The following GBE1 variants were observed in gnomAD, a reference collection of about 807,000 sequenced individuals.
GBE1 encodes 1,4-alpha-glucan branching enzyme 1.
GBE1 carries 70 observed loss-of-function variants against 88.8 expected under a neutral mutation model. The ratio of observed to expected loss-of-function variants is 0.79; its 90% CI spans 0.65 to 0.96. GBE1 has a LOEUF of 0.96. Among genes scored for constraint, GBE1 ranks in the 40% least tolerant of loss-of-function variants. The pLI is 0.00. For synonymous variants in GBE1, 284 were observed against 300.1 expected, an observed-to-expected ratio of 0.95 and a Z score of 0.56; for missense variants, 872 against 871.0, an observed-to-expected ratio of 1.00 and a Z score of -0.01.
At chr3:81,599,552 A>G (rs1428877655) in intron 7 of GBE1, among the ~76,000 whole-genome samples, 1 of 152,202 alleles carries the variant, frequency 6.6e-6, no homozygotes, top group African/African-American at 2.4e-5. Context: ...TACTGTACTG[A>G]ATACTGGAGG....
At chr3:81,556,015 A>T (rs534636848) in intron 12 of GBE1, among the ~76,000 whole-genome samples, 1 of 152,212 alleles carries the variant, frequency 6.6e-6, no homozygotes, top group African/African-American at 2.4e-5. Context: ...GATCTGGACT[A>T]TGTAGGAAGG....
At chr3:81,527,325 C>G (rs1429932176) in intron 14 of GBE1, among the ~76,000 whole-genome samples, 1 of 152,080 alleles carries the variant, frequency 6.6e-6, no homozygotes, top group South Asian at 2.1e-4. Context: ...GACTTCATGT[C>G]TAAAACACCA....
chr3:81,622,619 T>TA (rs1376620022), intron 7 of GBE1, among the ~76,000 whole-genome samples: 1 of 152,192 alleles, frequency 6.6e-6, no homozygotes, highest in Non-Finnish European at 1.5e-5. Context: ...TATTTCCACT[T>TA]ACATAGCAAA....
intron 14 of GBE1, among the ~76,000 whole-genome samples, chr3:81,514,913 A>T (rs546051914): frequency 1.3e-5 from 2 of 151,710 alleles, no homozygotes; most frequent in Non-Finnish European, 3.0e-5. Context: ...TATAACATCC[A>T]TGTCATAAAT....
intron 3 of GBE1, among the ~76,000 whole-genome samples, chr3:81,667,681 T>G (rs1705132392): frequency 6.6e-6 from 1 of 152,232 alleles, no homozygotes; most frequent in Admixed American, 6.5e-5. Context: ...ATCAAAAGTC[T>G]TTTCTGCATC....
chr3:81,524,682 A>T (rs375242553), intron 14 of GBE1, among the ~76,000 whole-genome samples: 40 of 151,808 alleles, frequency 2.6e-4, no homozygotes, highest in African/African-American at 8.9e-4. Flanking sequence ...TCCCCATTGT[A>T]TGTTCTTGGC....
chr3:81,729,996 C>A (rs767273710), intron 1 of GBE1, among the ~76,000 whole-genome samples: 27 of 152,236 alleles, frequency 1.8e-4, no homozygotes, highest in Non-Finnish European at 3.4e-4. Context: ...TGTGTCCTCC[C>A]AAGAAGAAAT....
At chr3:81,699,140 G>A (rs780389932) in intron 2 of GBE1, among the ~76,000 whole-genome samples, 18 of 152,084 alleles carry the variant, frequency 1.2e-4, no homozygotes, top group Non-Finnish European at 2.6e-4. Flanking sequence ...CCAAAAACCT[G>A]CTTTCTAGGA....
chr3:81,539,765 A>C (rs1703120574), intron 12 of GBE1, among the ~76,000 whole-genome samples: 1 of 152,064 alleles, frequency 6.6e-6, no homozygotes, highest in Non-Finnish European at 1.5e-5. Flanking sequence ...TGTTAACTAC[A>C]CTAGAGGAAA....
chr3:81,622,823 C>A (rs1704351619), intron 7 of GBE1, among the ~76,000 whole-genome samples: 1 of 152,162 alleles, frequency 6.6e-6, no homozygotes, highest in Non-Finnish European at 1.5e-5. Context: ...TACAACCAAT[C>A]ACTCAGCAAG....
At chr3:81,705,171 G>A (rs959381055) in intron 2 of GBE1, among the ~76,000 whole-genome samples, 1 of 152,210 alleles carries the variant, frequency 6.6e-6, no homozygotes, top group African/African-American at 2.4e-5. Flanking sequence ...ATTTGGAGTT[G>A]TCTTCCTAAT....
intron 2 of GBE1, among the ~76,000 whole-genome samples, chr3:81,696,854 G>A (rs182626177): frequency 6.6e-6 from 1 of 152,238 alleles, no homozygotes; most frequent in Admixed American, 6.5e-5. Context: ...CTACTTTCTA[G>A]CATTAAGGTC....
chr3:81,679,007 G>T (rs563155716), intron 2 of GBE1, among the ~76,000 whole-genome samples: 5 of 152,136 alleles, frequency 3.3e-5, no homozygotes, highest in African/African-American at 1.2e-4. Context: ...CTGAAGTTTG[G>T]TTTAAATTAT....
chr3:81,709,057 G>T (rs1323610799), intron 1 of GBE1, among the ~76,000 whole-genome samples: 1 of 152,154 alleles, frequency 6.6e-6, no homozygotes, highest in South Asian at 2.1e-4. Flanking sequence ...TGTTGAGATG[G>T]AGAGTACAAG....
intron 10 of GBE1, among the ~76,000 whole-genome samples, chr3:81,584,092 TAACATA>T (rs1158242195): frequency 6.6e-6 from 1 of 152,076 alleles, no homozygotes; most frequent in Admixed American, 6.6e-5. Context: ...TACATTACCT[TAACATA>T]AACACTTCAA....
At chr3:81,576,812 A>T (rs1466281757) in intron 12 of GBE1, among the ~76,000 whole-genome samples, 1 of 152,084 alleles carries the variant, frequency 6.6e-6, no homozygotes, top group Non-Finnish European at 1.5e-5. Flanking sequence ...TACAGGTAGT[A>T]TACGTGAAAT....
chr3:81,741,409 C>A (rs1041391652), intron 1 of GBE1, among the ~76,000 whole-genome samples: 1 of 152,054 alleles, frequency 6.6e-6, no homozygotes, highest in African/African-American at 2.4e-5. Flanking sequence ...CTGTTTTAAG[C>A]ATTTCCACTC....
intron 2 of GBE1, among the ~76,000 whole-genome samples, chr3:81,695,133 G>T (rs151269406): frequency 0.012 from 1,762 of 152,330 alleles, 11 homozygotes; most frequent in Non-Finnish European, 0.017. Context: ...TAGTCGAGAA[G>T]TTGATTGGTG....
intron 12 of GBE1, among the ~76,000 whole-genome samples, chr3:81,558,595 G>T (rs1210894489): frequency 6.6e-6 from 1 of 151,990 alleles, no homozygotes; most frequent in South Asian, 2.1e-4. Context: ...AAACAAGATA[G>T]CAGTTATGAA....
Sources: gnomAD v4.1 joint callset for allele counts (sites outside exome capture counted in the v4.1 genomes callset) on GRCh38, gnomAD v4.1.1 for gene constraint, MANE v1.5 for transcripts, NCBI Gene and HGNC (gene_info 2026-07-23, HGNC 2026-07-21) for gene names.